The following KIF21A variants were observed in gnomAD, a reference collection of about 807,000 sequenced individuals.
The protein encoded by KIF21A is kinesin-like protein KIF21A.
A neutral mutation model predicts 202.9 loss-of-function variants in KIF21A; 114 were observed. The ratio of observed to expected loss-of-function variants is 0.56; its 90% CI spans 0.48 to 0.66. The LOEUF (loss-of-function observed/expected upper bound fraction) is 0.66, where lower values mean the gene tolerates loss of function less well. Ranked by LOEUF, KIF21A falls within the 30% of genes least tolerant of loss-of-function variation. The pLI is 0.00. For synonymous variants in KIF21A, 667 were observed against 670.8 expected, an observed-to-expected ratio of 0.99 and a Z score of 0.09; for missense variants, 1,677 against 1,994.9, an observed-to-expected ratio of 0.84 and a Z score of 3.04.
chr12:39,425,732 A>C (rs1024809584), intron 1 of KIF21A, among the ~76,000 whole-genome samples: 2 of 152,090 alleles, frequency 1.3e-5, no homozygotes, highest in African/African-American at 4.8e-5. Flanking sequence ...TATTATCAAT[A>C]TCCTTTTACA....
rs199903925 is a variant in KIF21A at position 39,315,915 on chromosome 12, G to A, written c.3947+17C>T. ...CAATGAAATTCCAGAATGTAGGAAA[G>A]GCAGGAAAGAAAGTACCTGTGTACC... On this transcript the variant is annotated intron_variant, in intron 30 of 37. Transcript: ENST00000361418. 47 of 1,589,926 alleles carry A rather than the reference G, an allele frequency of 3.0e-5. No homozygotes were observed. Among genetic ancestry groups the A allele is most frequent in the Non-Finnish European group, 3.3e-5 (38 of 1,158,272 alleles).
intron 11 of KIF21A, 34 bp from the exon 12 acceptor site, chr12:39,346,538 A>C: frequency 2.1e-6 from 3 of 1,396,680 alleles, no homozygotes; most frequent in Non-Finnish European, 2.8e-6. Context: ...TTGGAAGGCC[A>C]AGCCAATGAA....
chr12:39,383,881 TTAA>T (rs1348634247), intron 1 of KIF21A, among the ~76,000 whole-genome samples: 1 of 152,220 alleles, frequency 6.6e-6, no homozygotes, highest in Non-Finnish European at 1.5e-5. Context: ...TTTTTAAACT[TTAA>T]TGTGTACATG....
chr12:39,408,446 C>G (rs1952788452), intron 1 of KIF21A, among the ~76,000 whole-genome samples: 1 of 152,088 alleles, frequency 6.6e-6, no homozygotes, highest in African/African-American at 2.4e-5. Context: ...GTAACAGTTC[C>G]TAGCAGGCCA....
intron 1 of KIF21A, among the ~76,000 whole-genome samples, chr12:39,395,842 CAAAAA>C (rs747398067): frequency 3.5e-5 from 3 of 84,956 alleles, no homozygotes; most frequent in Non-Finnish European, 4.7e-5. Flanking sequence ...GACTCCGTCT[CAAAAA>C]AAAAAAAAAA....
At chr12:39,372,104 A>T (rs2139230014) in intron 1 of KIF21A, among the ~76,000 whole-genome samples, 1 of 152,216 alleles carries the variant, frequency 6.6e-6, no homozygotes, top group Middle Eastern at 3.4e-3. Flanking sequence ...ATTAGAGATA[A>T]AGCCAAGCCC....
chr12:39,401,432 A>G (rs1188190422), intron 1 of KIF21A, among the ~76,000 whole-genome samples: 2 of 152,214 alleles, frequency 1.3e-5, no homozygotes, highest in African/African-American at 4.8e-5. Flanking sequence ...TTGTCTTTTA[A>G]AAAGACAATA....
intron 24 of KIF21A, 107 bp downstream of exon 24, chr12:39,330,135 T>C: frequency 1.9e-6 from 2 of 1,063,860 alleles, no homozygotes. Context: ...CAAAAACCAC[T>C]TGACCGCCAA....
At chr12:39,392,749 A>T (rs1000932528) in intron 1 of KIF21A, among the ~76,000 whole-genome samples, 2 of 150,922 alleles carry the variant, frequency 1.3e-5, no homozygotes, top group African/African-American at 4.9e-5. Flanking sequence ...AGAATTCAGC[A>T]CCATGTGTTA....
chr12:39,351,886 TTGA>T lies in KIF21A; in HGVS notation c.1561_1563del (p.Ser521del), dbSNP rs1948413348. Reference sequence around the variant, plus strand: ...GAGGATAGTATGGTAGGAGAAAAAGTTGATGATCCGCTGAAATATGGCGCTCTT... The same window carrying T: ...GAGGATAGTATGGTAGGAGAAAAAGTTGATCCGCTGAAATATGGCGCTCTT... On this transcript the variant is annotated inframe_deletion, in exon 11 of 38. Transcript: ENST00000361418. 3 of 1,613,112 alleles carry T rather than the reference TTGA, an allele frequency of 1.9e-6. No individual in the cohort carries two copies. The African/African-American group carries it at 4.0e-5, about 22-fold the overall frequency.
At chr12:39,380,589 C>T (rs1199148184) in intron 1 of KIF21A, among the ~76,000 whole-genome samples, 1 of 152,098 alleles carries the variant, frequency 6.6e-6, no homozygotes, top group Non-Finnish European at 1.5e-5. Context: ...AGTGTGGTGG[C>T]TCGAGCCTGT....
At chr12:39,378,617 G>A (rs1175879809) in intron 1 of KIF21A, among the ~76,000 whole-genome samples, 1 of 152,112 alleles carries the variant, frequency 6.6e-6, no homozygotes, top group East Asian at 1.9e-4. Flanking sequence ...GGCTGTATGT[G>A]GTGGCCTATT....
chr12:39,443,030 T>C lies in KIF21A; in HGVS notation c.-60A>G, dbSNP rs1939883606. 1.3e-6 allele frequency: 2 copies of C among 1,485,478 alleles called. No homozygotes were observed. Among genetic ancestry groups the C allele is most frequent in the South Asian group, 1.3e-5 (1 of 79,204 alleles). 92.0% of individuals were successfully genotyped at this position (1,485,478 alleles called of 1,614,324 possible). On this transcript the variant is annotated 5_prime_UTR_variant, in exon 1 of 38. Transcript: ENST00000361418. ...CGGCACCGCAGAGCTGAGGCGCCAC[T>C]GGGGCCGCGGGACTCGGGCGCAGTA...
chr12:39,305,400 GT>G (rs1227576435), intron 34 of KIF21A, among the ~76,000 whole-genome samples: 1 of 150,486 alleles, frequency 6.6e-6, no homozygotes, highest in Non-Finnish European at 1.5e-5. Flanking sequence ...CAGAGATGGG[GT>G]TCCATTATGT....
At chr12:39,301,389 G>T in intron 37 of KIF21A, 91 bp downstream of exon 37, 1 of 996,408 alleles carries the variant, frequency 1.0e-6, no homozygotes, top group Non-Finnish European at 1.6e-6. Flanking sequence ...GAAGGATTTT[G>T]TATATTCAAC....
chr12:39,310,895 C>T (rs1222991120), intron 32 of KIF21A, among the ~76,000 whole-genome samples: 2 of 152,002 alleles, frequency 1.3e-5, no homozygotes, highest in African/African-American at 4.8e-5. Flanking sequence ...CTTGTTCTTC[C>T]ACTTACTAGC....
At chr12:39,343,001 G>A (rs942893117) in intron 12 of KIF21A, among the ~76,000 whole-genome samples, 4 of 152,088 alleles carry the variant, frequency 2.6e-5, no homozygotes, top group African/African-American at 4.8e-5. Flanking sequence ...TTACACTATT[G>A]ATCACTAGAC....
chr12:39,430,656 C>T (rs1937756405), intron 1 of KIF21A, among the ~76,000 whole-genome samples: 1 of 151,940 alleles, frequency 6.6e-6, no homozygotes, highest in African/African-American at 2.4e-5. Flanking sequence ...ATTCATTCAA[C>T]TCCTTAGTGG....
intron 17 of KIF21A, among the ~76,000 whole-genome samples, chr12:39,333,878 C>G (rs552428043): frequency 2.0e-5 from 3 of 151,396 alleles, no homozygotes; most frequent in Non-Finnish European, 4.4e-5. Context: ...ATTCTACAGG[C>G]ATATAATTTA....
Sources: gnomAD v4.1 joint callset for allele counts (sites outside exome capture counted in the v4.1 genomes callset) on GRCh38, gnomAD v4.1.1 for gene constraint, MANE v1.5 for transcripts, NCBI Gene and HGNC (gene_info 2026-07-23, HGNC 2026-07-21) for gene names.